TSSK4: variants seen among roughly 807,000 people sequenced by gnomAD.
The protein encoded by TSSK4 is testis specific serine kinase 4.
A neutral mutation model predicts 28.5 loss-of-function variants in TSSK4; 22 were observed. The observed-to-expected ratio is 0.77, with a 90% confidence interval of 0.55 to 1.10. The LOEUF (loss-of-function observed/expected upper bound fraction) is 1.10, where lower values mean the gene tolerates loss of function less well. Among genes scored for constraint, TSSK4 ranks in the 50% least tolerant of loss-of-function variants. The probability of loss-of-function intolerance (pLI) is 0.00; values close to 1 mark genes in which losing one functional copy is unlikely to be tolerated. For synonymous variants in TSSK4, 151 were observed against 158.3 expected, an observed-to-expected ratio of 0.95 and a Z score of 0.35; for missense variants, 329 against 415.4, an observed-to-expected ratio of 0.79 and a Z score of 1.81.
At position 24,206,651 on chromosome 14, in the gene TSSK4, C is replaced by A. The variant is rs761619135; in HGVS notation, c.368C>A (p.Pro123His). 10 of 1,614,096 alleles carry A rather than the reference C, an allele frequency of 6.2e-6. No individual in the cohort carries two copies. The highest frequency in any genetic ancestry group is 2.2e-5 in the South Asian group (2 of 91,092). The change falls in exon 2 of 4, where the codon CCC becomes CAC. Residue 123 changes from proline (P) to histidine (H), a missense_variant. This residue lies in a region of TSSK4 where 175 missense variants were observed against 196.0 expected (regional missense o/e 0.89). Coordinates refer to ENST00000339917, the MANE Select transcript of TSSK4 (RefSeq NM_001184739.2). Reference protein sequence around the residue: ...WIQRYGACSEPLAGKWFSQLT... With the variant: ...WIQRYGACSEHLAGKWFSQLT... The stretch of plus-strand genomic sequence containing the variant: ...CAGCGCTACGGGGCCTGCTCTGAGC[C>A]CCTTGCTGGCAAGTGGTTCTCCCAG...
rs1487970112 is a variant in TSSK4, at chr14:24,207,959, T to C, written c.835-5T>C. On this transcript the variant is annotated splice_polypyrimidine_tract_variant and splice_region_variant and intron_variant, in intron 3 of 3. Coordinates refer to ENST00000339917, the MANE Select transcript of TSSK4 (RefSeq NM_001184739.2). The stretch of plus-strand genomic sequence containing the variant: ...CAGGCAAGACCTCTCTCTCCCCTGC[T>C]CTAGAACCTGATCCTCCAGATGCTA... 1 of 1,613,954 alleles carries C rather than the reference T, an allele frequency of 6.2e-7. No homozygotes were observed. Among genetic ancestry groups the C allele is most frequent in the African/African-American group, 1.3e-5 (1 of 74,912 alleles).
intron 3 of TSSK4, 48 bp downstream of exon 3, chr14:24,207,557 G>C (rs1186585947): frequency 6.5e-7 from 1 of 1,543,800 alleles, no homozygotes; most frequent in African/African-American, 1.4e-5. Flanking sequence ...GACCCACAGG[G>C]AGGGGTGAAT....
chr14:24,206,666 G>A lies in TSSK4; in HGVS notation c.383G>A (p.Trp128Ter). The A allele has an allele frequency of 6.2e-7, 1 of 1,614,164 alleles. No individual in the cohort carries two copies. Among genetic ancestry groups the A allele is most frequent in the South Asian group, 1.1e-5 (1 of 91,072 alleles). Residue 128 changes from tryptophan (W) to a stop codon, truncating the protein, a stop_gained, in exon 2 of 4, where the codon TGG (tryptophan) becomes TAG (stop). Coordinates refer to ENST00000339917, the MANE Select transcript of TSSK4 (RefSeq NM_001184739.2). LOFTEE classifies it high-confidence loss of function. ...TGCTCTGAGCCCCTTGCTGGCAAGT[G>A]GTTCTCCCAGCTGACCCTGGGCATT... is the stretch of plus-strand genomic sequence containing the variant. ...GACSEPLAGK[W>*]FSQLTLGIAY...
rs2039504646 is a variant in TSSK4, at chr14:24,205,698, A to C, written c.-226A>C. On this transcript the variant is annotated 5_prime_UTR_variant, in exon 1 of 4. Transcript: ENST00000339917. ...AGGAGTTCCGTAACCAAAAGGAGAA[A>C]GTAACAACAGCCAGTGGAGACAAAA... The C allele has an allele frequency of 1.8e-6, 1 of 560,058 alleles. No individual in the cohort carries two copies. Among genetic ancestry groups the C allele is most frequent in the Non-Finnish European group, 3.2e-6 (1 of 311,682 alleles). 34.7% of individuals were successfully genotyped at this position (560,058 alleles called of 1,614,324 possible). A position where few individuals can be genotyped will look rare whatever the true frequency, so the allele number is the denominator to read the frequency against.
rs1463738735 is a variant in TSSK4 at position 24,206,024 on chromosome 14, G to A, written c.101G>A (p.Gly34Asp). The A allele has an allele frequency of 6.2e-6, 10 of 1,614,218 alleles. No homozygotes were observed. Among genetic ancestry groups the A allele is most frequent in the Non-Finnish European group, 8.5e-6 (10 of 1,180,012 alleles). Residue 34 changes from glycine (G) to aspartate (D), a missense_variant, in exon 1 of 4, where the codon GGC becomes GAC. Around this residue, in one of 3 missense-constraint regions of TSSK4, gnomAD observed 175 missense variants for 196.0 expected, o/e 0.89. Transcript: ENST00000339917. ...GYEVGKAIGH[G>D]SYGSVYEAFY... is the part of the protein sequence containing the mutation. Reference sequence around the variant, plus strand: ...GAGGTGGGCAAGGCCATTGGCCATGGCTCCTATGGGTCGGTATATGAGGCT... The same window carrying A: ...GAGGTGGGCAAGGCCATTGGCCATGACTCCTATGGGTCGGTATATGAGGCT...
chr14:24,207,828 T>A, intron 3 of TSSK4, 136 bp from the exon 4 acceptor site: 1 of 1,536,600 alleles, frequency 6.5e-7, no homozygotes, highest in Admixed American at 1.9e-5. Context: ...GTCTCCAAGA[T>A]AAAATCAGAG....
intron 3 of TSSK4, 160 bp from the exon 4 acceptor site, chr14:24,207,804 A>G: frequency 7.3e-7 from 1 of 1,378,138 alleles, no homozygotes; most frequent in Non-Finnish European, 1.0e-6. Context: ...CCCTCCAGGG[A>G]GTTAACTGCC....
intron 2 of TSSK4, 37 bp from the exon 3 acceptor site, chr14:24,207,079 C>T: frequency 6.2e-7 from 1 of 1,600,322 alleles, no homozygotes; most frequent in South Asian, 1.1e-5. Context: ...ACCCCTGGCC[C>T]TTCAGCTCCC....
intron 1 of TSSK4, 150 bp from the exon 2 acceptor site, chr14:24,206,359 T>C (rs1566656116): frequency 2.2e-6 from 2 of 926,932 alleles, no homozygotes; most frequent in Non-Finnish European, 3.3e-6. Context: ...GCACAAAACA[T>C]AGCATTTGCC....
chr14:24,207,132 TCTG>T lies in TSSK4; in HGVS notation c.464_466del (p.Ala155del). 6.2e-7 allele frequency: 1 copy of T among 1,608,276 alleles called. No homozygotes were observed. Among genetic ancestry groups the T allele is most frequent in the Non-Finnish European group, 8.5e-7 (1 of 1,180,000 alleles). On this transcript the variant is annotated inframe_deletion, in exon 3 of 4. Transcript: ENST00000339917. ...TCTCCCCAGCCTGATGCCCAGCCTTTCTGCTGCTGGTAGGGACTTAAAGTTGGA... is the reference window on the plus strand; with the variant it reads ...TCTCCCCAGCCTGATGCCCAGCCTTTCTGCTGGTAGGGACTTAAAGTTGGA...
Position 24,208,205 on chromosome 14 carries a change from CTTT to C in TSSK4, c.*63_*65del. ...AAGCAGGAGGTCTTGGGCTAAAAAT[CTTT>C]TTTACCAAAAATAAATCTAAGTCTG... On this transcript the variant is annotated 3_prime_UTR_variant, in exon 4 of 4. Coordinates refer to ENST00000339917, the MANE Select transcript of TSSK4 (RefSeq NM_001184739.2). 1.3e-6 allele frequency: 2 copies of C among 1,492,746 alleles called. No homozygotes were observed. Among genetic ancestry groups the C allele is most frequent in the Non-Finnish European group, 8.9e-7 (1 of 1,119,666 alleles). 92.5% of individuals were successfully genotyped at this position (1,492,746 alleles called of 1,614,324 possible).
chr14:24,207,877 C>G, intron 3 of TSSK4, 87 bp from the exon 4 acceptor site: 1 of 1,605,198 alleles, frequency 6.2e-7, no homozygotes, highest in South Asian at 1.1e-5. Flanking sequence ...ATGGGCTATC[C>G]TGCTTCTTTC....
chr14:24,206,749 G>A (rs1036743459), intron 2 of TSSK4, 26 bp downstream of exon 2: 2 of 1,610,542 alleles, frequency 1.2e-6, no homozygotes, highest in East Asian at 4.5e-5. Flanking sequence ...CCCAGACTGG[G>A]GCCTTTGCCC....
At position 24,206,149 on chromosome 14, in the gene TSSK4, G is replaced by C; in HGVS notation, c.225+1G>C. 6.2e-7 allele frequency: 1 copy of C among 1,613,918 alleles called. No homozygotes were observed. Among genetic ancestry groups the C allele is most frequent in the Non-Finnish European group, 8.5e-7 (1 of 1,179,874 alleles). On this transcript the variant is annotated splice_donor_variant, in intron 1 of 3. Transcript: ENST00000339917. LOFTEE classifies it high-confidence loss of function. The stretch of plus-strand genomic sequence containing the variant: ...CAAGTTCCTGCCCCGTGAAATACAG[G>C]TTGGAAAGGGGGCTGGAAGAGGGAA...
chr14:24,206,218 A>T, intron 1 of TSSK4, 70 bp downstream of exon 1: 2 of 1,464,428 alleles, frequency 1.4e-6, no homozygotes, highest in East Asian at 4.5e-5. Flanking sequence ...CAGAAGGGGT[A>T]TGGCCAGGAG....
At chr14:24,207,895 C>G in intron 3 of TSSK4, 69 bp from the exon 4 acceptor site, 1 of 1,611,724 alleles carries the variant, frequency 6.2e-7, no homozygotes, top group East Asian at 2.2e-5. Flanking sequence ...TTCTTAGGTC[C>G]AACTGCTCAT....
In TSSK4 at chr14:24,206,103, G is replaced by T. The variant is rs772554013; in HGVS notation, c.180G>T (p.Lys60Asn). The T allele has an allele frequency of 1.5e-5, 24 of 1,614,060 alleles. No individual in the cohort carries two copies. The highest frequency in any genetic ancestry group is 2.2e-5 in the South Asian group (2 of 91,086). The change falls in exon 1 of 4, where the codon AAG becomes AAT. Residue 60 changes from lysine (K) to asparagine (N), a missense_variant. By Grantham distance (94) the Lys-to-Asn change is moderately conservative. Coordinates refer to ENST00000339917, the MANE Select transcript of TSSK4 (RefSeq NM_001184739.2). ...MVAVKIISKK[K>N]ASDDYLNKFL... ...CAGTCAAGATCATCTCAAAGAAGAA[G>T]GCCTCTGATGACTATCTTAACAAGT...
At position 24,206,033 on chromosome 14, in the gene TSSK4, G is replaced by A. The variant is rs751388870; in HGVS notation, c.110G>A (p.Gly37Glu). The change falls in exon 1 of 4, where the codon GGG becomes GAG. Residue 37 changes from glycine to glutamate, a missense_variant. Coordinates refer to ENST00000339917, the MANE Select transcript of TSSK4 (RefSeq NM_001184739.2). ...VGKAIGHGSY[G>E]SVYEAFYTKQ... ...AAGGCCATTGGCCATGGCTCCTATG[G>A]GTCGGTATATGAGGCTTTCTACACA... 1.4e-5 allele frequency: 23 copies of A among 1,614,216 alleles called. 1 individual carries two copies. Among genetic ancestry groups the A allele is most frequent in the South Asian group, 3.3e-5 (3 of 91,082 alleles).
Position 24,205,803 on chromosome 14 carries a change from A to ATAT in TSSK4, c.-121_-120insTAT. 1.4e-6 allele frequency: 1 copy of ATAT among 700,094 alleles called. No individual in the cohort carries two copies. Among genetic ancestry groups the ATAT allele is most frequent in the Admixed American group, 2.3e-5 (1 of 43,244 alleles). The allele number at this position is 700,094 out of a possible 1,614,324, so 43.4% of individuals were successfully genotyped here. On this transcript the variant is annotated 5_prime_UTR_variant, in exon 1 of 4. The change creates a new upstream start codon in the 5' untranslated region. Transcript: ENST00000339917. ...GCATCCCAGACTCGTGTGACTATAT[A>ATAT]GGCAAGCATTTGGGGACCTACTTCA...
Sources: allele counts gnomAD v4.1 joint callset, GRCh38; gene constraint gnomAD v4.1.1; regional missense constraint gnomAD v4.1.1; transcripts MANE v1.5; gene names NCBI Gene and HGNC (gene_info 2026-07-23, HGNC 2026-07-21).